The following C16orf74 variants were observed in gnomAD, a reference collection of about 807,000 sequenced individuals.
The protein encoded by C16orf74 is calcimembrin, also known as uncharacterized protein C16orf74.
Under a neutral mutation model 6.5 loss-of-function variants are expected in C16orf74, and 10 were observed. That is an observed-to-expected ratio of 1.54 (90% CI 0.95 to 2.61). The LOEUF (loss-of-function observed/expected upper bound fraction) is 2.61. Among genes scored for constraint, C16orf74 ranks in the 30% most tolerant of loss-of-function variants. The pLI is 0.00. For synonymous variants in C16orf74, 60 were observed against 42.5 expected, an observed-to-expected ratio of 1.41 and a Z score of -1.60; for missense variants, 141 against 105.9, an observed-to-expected ratio of 1.33 and a Z score of -1.45.
Position 85,714,378 on chromosome 16 carries a change from ATTAT to A in C16orf74, c.29-4075_29-4072del, listed in dbSNP as rs1199551334. Among the ~76,000 whole-genome samples the A allele has an allele frequency of 3.5e-3, 491 of 142,212 alleles. 5 individuals are homozygous for A. The highest frequency in any genetic ancestry group is 0.012 in the African/African-American group (451 of 38,264). 93.3% of individuals were successfully genotyped at this position (142,212 alleles called of 152,430 possible). A position where few individuals can be genotyped will look rare whatever the true frequency, so the allele number is the denominator to read the frequency against. Reference sequence around the variant, plus strand: ...CACTGTTTCCTCCTTTGGAAGACCTATTATTTATTTATTTATTTATTTATTATTT... The same window carrying A: ...CACTGTTTCCTCCTTTGGAAGACCTATTATTTATTTATTTATTTATTATTT... On this transcript the variant is annotated intron_variant, in intron 2 of 3. Transcript: ENST00000284245.
intron 2 of C16orf74, among the ~76,000 whole-genome samples, chr16:85,718,432 C>G (rs1055949154): frequency 6.6e-6 from 1 of 152,198 alleles, no homozygotes; most frequent in Non-Finnish European, 1.5e-5. Flanking sequence ...CTGAATGGGA[C>G]CACGCCCTCT....
At chr16:85,708,320 G>T (rs11860689) in intron 3 of C16orf74, among the ~76,000 whole-genome samples, 4,112 of 152,232 alleles carry the variant, frequency 0.027, 201 homozygotes, top group African/African-American at 0.094. Flanking sequence ...GAGTAACCCT[G>T]TGTCTCCCCT....
At position 85,707,818 on chromosome 16, in the gene C16orf74, G is replaced by C. The variant is rs1025532003; in HGVS notation, c.*190C>G. 12 of 594,894 alleles carry C rather than the reference G, an allele frequency of 2.0e-5. No individual in the cohort carries two copies. Among genetic ancestry groups the C allele is most frequent in the Non-Finnish European group, 3.0e-5 (10 of 334,982 alleles). 36.9% of individuals were successfully genotyped at this position (594,894 alleles called of 1,614,324 possible). A position where few individuals can be genotyped will look rare whatever the true frequency, so the allele number is the denominator to read the frequency against. On this transcript the variant is annotated 3_prime_UTR_variant, in exon 4 of 4. Coordinates refer to ENST00000284245, the MANE Select transcript of C16orf74 (RefSeq NM_206967.3). Reference sequence around the variant, plus strand: ...GTCCGGTCCACTCAGCGGGGCCTGGGAAACACTGTTCTGGAAGTGGACAGG... The same window carrying C: ...GTCCGGTCCACTCAGCGGGGCCTGGCAAACACTGTTCTGGAAGTGGACAGG...
At chr16:85,717,166 T>G (rs573698349) in intron 2 of C16orf74, among the ~76,000 whole-genome samples, 1 of 152,192 alleles carries the variant, frequency 6.6e-6, no homozygotes, top group Non-Finnish European at 1.5e-5. Context: ...CCCAGGCCCC[T>G]GGAGCTGGAT....
chr16:85,712,719 C>T (rs765717271), intron 2 of C16orf74, among the ~76,000 whole-genome samples: 5 of 152,240 alleles, frequency 3.3e-5, no homozygotes, highest in Non-Finnish European at 7.3e-5. Flanking sequence ...ACCCTGCGTG[C>T]ACTGCACCTC....
chr16:85,723,132 T>C (rs2054098737), intron 2 of C16orf74, among the ~76,000 whole-genome samples: 1 of 151,922 alleles, frequency 6.6e-6, no homozygotes, highest in African/African-American at 2.4e-5. Context: ...TGGTGGTGCA[T>C]GCCTGTAATC....
intron 1 of C16orf74, among the ~76,000 whole-genome samples, chr16:85,748,126 GTGTA>G (rs1255462795): frequency 1.3e-5 from 1 of 75,126 alleles, no homozygotes; most frequent in Admixed American, 1.4e-4. Context: ...ATATGTGTGT[GTGTA>G]TATATATATG....
chr16:85,730,504 G>A (rs910715946), intron 2 of C16orf74, among the ~76,000 whole-genome samples: 5 of 146,798 alleles, frequency 3.4e-5, no homozygotes, highest in Non-Finnish European at 7.5e-5. Flanking sequence ...GACCAGGCAA[G>A]TGAACCCCCA....
chr16:85,748,781 G>A (rs988041971), intron 1 of C16orf74, among the ~76,000 whole-genome samples: 12 of 152,118 alleles, frequency 7.9e-5, no homozygotes, highest in South Asian at 4.1e-4. Context: ...GCTGGTCTGC[G>A]GGGTCTCAAT....
At chr16:85,719,273 G>A (rs1338522388) in intron 2 of C16orf74, among the ~76,000 whole-genome samples, 2 of 152,198 alleles carry the variant, frequency 1.3e-5, no homozygotes, top group Non-Finnish European at 2.9e-5. Flanking sequence ...GGCCTCTACA[G>A]AGGTTTATCT....
In C16orf74 at chr16:85,710,206, T is replaced by TG. The variant is rs765170842; in HGVS notation, c.129dup (p.Thr44HisfsTer19). 6 of 1,492,064 alleles carry TG rather than the reference T, an allele frequency of 4.0e-6. 1 individual carries two copies. The highest frequency in any genetic ancestry group is 3.0e-5 in the African/African-American group (2 of 67,698). The allele number at this position is 1,492,064 out of a possible 1,614,324, so 92.4% of individuals were successfully genotyped here. A position where few individuals can be genotyped will look rare whatever the true frequency, so the allele number is the denominator to read the frequency against. On this transcript the variant is annotated frameshift_variant, in exon 3 of 4. Transcript: ENST00000284245. LOFTEE classifies it high-confidence loss of function. ...CTCGGCAGCATCATGCCCGTGGGGG[T>TG]GGGGGGCGTGATGATGATGTCGGGC...
chr16:85,734,462 G>A (rs1477215722), intron 2 of C16orf74, among the ~76,000 whole-genome samples: 2 of 152,156 alleles, frequency 1.3e-5, no homozygotes. Context: ...CAGGTAGGTG[G>A]CCCCGGGGCA....
chr16:85,734,777 C>T (rs2054226269), intron 2 of C16orf74, among the ~76,000 whole-genome samples: 1 of 152,206 alleles, frequency 6.6e-6, no homozygotes, highest in Non-Finnish European at 1.5e-5. Flanking sequence ...AGAACTTTCT[C>T]CCGCTGGCCT....
At chr16:85,733,505 A>T (rs1191404015) in intron 2 of C16orf74, among the ~76,000 whole-genome samples, 1 of 152,218 alleles carries the variant, frequency 6.6e-6, no homozygotes, top group Non-Finnish European at 1.5e-5. Flanking sequence ...GAACGTGCTT[A>T]ATGCCACTAA....
At chr16:85,749,234 G>A (rs1438242528) in intron 1 of C16orf74, among the ~76,000 whole-genome samples, 1 of 152,084 alleles carries the variant, frequency 6.6e-6, no homozygotes, top group Non-Finnish European at 1.5e-5. Context: ...GTAACCTTGT[G>A]TCAGTGACTT....
chr16:85,719,861 G>C (rs1036193566), intron 2 of C16orf74, among the ~76,000 whole-genome samples: 6 of 144,738 alleles, frequency 4.1e-5, no homozygotes, highest in Non-Finnish European at 7.4e-5. Context: ...CACACACAAA[G>C]GCCCTGAGGC....
chr16:85,747,332 G>T (rs770477776), intron 1 of C16orf74, among the ~76,000 whole-genome samples: 4 of 152,112 alleles, frequency 2.6e-5, no homozygotes, highest in Non-Finnish European at 5.9e-5. Flanking sequence ...CACACCTGTG[G>T]TCCCAACTAC....
intron 2 of C16orf74, among the ~76,000 whole-genome samples, chr16:85,711,498 C>G (rs1209715955): frequency 1.3e-5 from 2 of 151,592 alleles, no homozygotes; most frequent in Admixed American, 1.3e-4. Context: ...TGGTATGCGC[C>G]TGTAATCCCA....
chr16:85,749,705 G>A (rs1247759436), intron 1 of C16orf74, among the ~76,000 whole-genome samples: 1 of 152,340 alleles, frequency 6.6e-6, no homozygotes, highest in African/African-American at 2.4e-5. Context: ...CTATCAGTGC[G>A]CTCTTCTTCA....
Sources: allele counts gnomAD v4.1 joint callset (sites outside exome capture counted in the v4.1 genomes callset), GRCh38; gene constraint gnomAD v4.1.1; transcripts MANE v1.5; gene names NCBI Gene and HGNC (gene_info 2026-07-23, HGNC 2026-07-21).